Variants in XRCC1 observed in about 807,000 individuals in gnomAD.
The protein encoded by XRCC1 is DNA repair protein XRCC1.
In XRCC1, 52 loss-of-function variants were observed where a neutral mutation model predicts 83.3. The ratio of observed to expected loss-of-function variants is 0.62; its 90% CI spans 0.50 to 0.79. The LOEUF (loss-of-function observed/expected upper bound fraction) is 0.79, where lower values mean the gene tolerates loss of function less well. XRCC1 is among the 30% of genes least tolerant of loss of function. The pLI, the probability that XRCC1 is intolerant of heterozygous loss-of-function variation, is 0.00. For missense variants in XRCC1, 793 were observed against 823.5 expected, an observed-to-expected ratio of 0.96 and a Z score of 0.45; for synonymous variants, 281 against 312.6, an observed-to-expected ratio of 0.90 and a Z score of 1.07.
At chr19:43,566,862 G>C (rs1228671551) in intron 2 of XRCC1, among the ~76,000 whole-genome samples, 1 of 111,070 alleles carries the variant, frequency 9.0e-6, no homozygotes, top group Non-Finnish European at 1.7e-5. Context: ...CTGGGCAACA[G>C]AGCAAGACTC....
In XRCC1 at chr19:43,573,717, C is replaced by A. The variant is rs761694226; in HGVS notation, c.144+1193G>T. On this transcript the variant is annotated intron_variant, in intron 2 of 16. Coordinates refer to ENST00000262887, the MANE Select transcript of XRCC1 (RefSeq NM_006297.3). ...TGGAAACCCCATCTCTAAAAAAATA[C>A]AAAAAAAACTAGCCAGGCATGGTGG... 1.3e-3 allele frequency among the ~76,000 whole-genome samples: 196 copies of A among 151,188 alleles called. 2 individuals carry two copies. The highest frequency in any genetic ancestry group is 2.4e-3 in the Non-Finnish European group (161 of 67,730).
intron 8 of XRCC1, 56 bp from the exon 9 acceptor site, chr19:43,552,331 CCT>C: frequency 7.6e-7 from 1 of 1,317,930 alleles, no homozygotes; most frequent in Non-Finnish European, 1.1e-6. Context: ...ACCCCCAGCC[CCT>C]CCTCCCTCAG....
intron 1 of XRCC1, 68 bp from the exon 2 acceptor site, chr19:43,575,070 G>T: frequency 1.5e-6 from 2 of 1,333,964 alleles, no homozygotes; most frequent in Non-Finnish European, 2.1e-6. Flanking sequence ...GCTCTCAGAT[G>T]ATTCCTTTGA....
At chr19:43,564,933 C>CTTGCATCTTCGGCTTCTCGAGG (rs1295806582) in intron 2 of XRCC1, among the ~76,000 whole-genome samples, 1 of 152,180 alleles carries the variant, frequency 6.6e-6, no homozygotes, top group Non-Finnish European at 1.5e-5. Context: ...AACGTGTCTC[C>CTTGCATCTTCGGCTTCTCGAGG]TTGCATCTTC....
intron 16 of XRCC1, 42 bp downstream of exon 16, chr19:43,543,570 G>T (rs1416411571): frequency 6.2e-7 from 1 of 1,613,420 alleles, no homozygotes; most frequent in Non-Finnish European, 8.5e-7. Context: ...GAGATGCAAA[G>T]GTGTGCCCGG....
intron 14 of XRCC1, among the ~76,000 whole-genome samples, chr19:43,545,217 G>T (rs1972496426): frequency 6.6e-6 from 1 of 152,164 alleles, no homozygotes; most frequent in African/African-American, 2.4e-5. Flanking sequence ...CCTCTGCACA[G>T]CCCGTGACTG....
At chr19:43,573,815 C>T (rs1177420120) in intron 2 of XRCC1, among the ~76,000 whole-genome samples, 1 of 152,090 alleles carries the variant, frequency 6.6e-6, no homozygotes, top group Non-Finnish European at 1.5e-5. Flanking sequence ...GTAGAGGCTG[C>T]AGTGAGCCAA....
chr19:43,543,583 C>A (rs755191942), intron 16 of XRCC1, 29 bp downstream of exon 16: 1 of 1,613,774 alleles, frequency 6.2e-7, no homozygotes, highest in African/African-American at 1.3e-5. Context: ...GTGCCCGGGT[C>A]TCCCATTCTC....
At position 43,561,015 on chromosome 19, in the gene XRCC1, C is replaced by T. The variant is rs2307174; in HGVS notation, c.150G>A (p.Glu50=). ...CCACACTGTGTATCTGCTCCTCCTT[C>T]TCCAACTGTGGGCAGAGAGAGAGGC... ...EKTISVVLQL[E]KEEQIHSVDI... Residue 50 remains glutamate, a synonymous_variant, in exon 3 of 17, where the codon GAG becomes GAA. Coordinates refer to ENST00000262887, the MANE Select transcript of XRCC1 (RefSeq NM_006297.3). The T allele has an allele frequency of 3.4e-3, 5,532 of 1,613,810 alleles. 17 individuals carry two copies. The highest frequency in any genetic ancestry group is 4.1e-3 in the Non-Finnish European group (4,878 of 1,179,670).
At chr19:43,549,342 C>T (rs182902173) in intron 10 of XRCC1, among the ~76,000 whole-genome samples, 31 of 152,200 alleles carry the variant, frequency 2.0e-4, no homozygotes, top group Non-Finnish European at 2.5e-4. Context: ...TCACTTCAAC[C>T]CCTTCCTCCC....
At chr19:43,547,078 T>A in intron 10 of XRCC1, 101 bp from the exon 11 acceptor site, 1 of 1,113,828 alleles carries the variant, frequency 9.0e-7, no homozygotes, top group Non-Finnish European at 1.3e-6. Context: ...CTCACTCTAG[T>A]GGGCCTCATG....
At chr19:43,555,097 T>C (rs1024878613) in intron 3 of XRCC1, 16 of 254,940 alleles carry the variant, frequency 6.3e-5, no homozygotes, top group African/African-American at 3.3e-4. Context: ...CTAAGGAACT[T>C]TCCCGGCAGA....
In XRCC1 at chr19:43,557,734, G is replaced by C. The variant is rs943725611; in HGVS notation, c.256-2930C>G. On this transcript the variant is annotated intron_variant, in intron 3 of 16. Coordinates refer to ENST00000262887, the MANE Select transcript of XRCC1 (RefSeq NM_006297.3). ...TTGTACCTGGGAGGCGGAGGTTGCAGTGAACCGAGATTGCACCACTGCACT... is the reference window on the plus strand; with the variant it reads ...TTGTACCTGGGAGGCGGAGGTTGCACTGAACCGAGATTGCACCACTGCACT... Among the ~76,000 whole-genome samples the C allele has an allele frequency of 2.9e-4, 40 of 139,308 alleles. 1 individual carries two copies. The highest frequency in any genetic ancestry group is 1.1e-3 in the African/African-American group (40 of 37,896). 91.4% of individuals were successfully genotyped at this position (139,308 alleles called of 152,430 possible).
intron 2 of XRCC1, among the ~76,000 whole-genome samples, chr19:43,569,245 G>C (rs1388891364): frequency 6.6e-6 from 1 of 152,128 alleles, no homozygotes. Context: ...AGCTGAGGCA[G>C]GAGGAATGCT....
chr19:43,567,765 G>A (rs1267657555), intron 2 of XRCC1, among the ~76,000 whole-genome samples: 1 of 152,090 alleles, frequency 6.6e-6, no homozygotes. Context: ...CTTTCTCAGG[G>A]AGACACAGTT....
At position 43,553,086 on chromosome 19, in the gene XRCC1, CTG is replaced by C; in HGVS notation, c.605_606del (p.Thr202SerfsTer8). On this transcript the variant is annotated frameshift_variant, in exon 7 of 17. Coordinates refer to ENST00000262887, the MANE Select transcript of XRCC1 (RefSeq NM_006297.3). LOFTEE classifies it high-confidence loss of function. Reference protein sequence around the residue: ...FSRINKTSPVTASDPAGPSYA... With the variant: ...FSRINKTSPVXASDPAGPSYA... ...TAGCTAGGTCCTGCTGGGTCGCTGGCTGTGACTATGAAGGGAGAAAGTGGATC... is the reference window on the plus strand; with the variant it reads ...TAGCTAGGTCCTGCTGGGTCGCTGGCTGACTATGAAGGGAGAAAGTGGATC... 6.4e-7 allele frequency: 1 copy of C among 1,568,430 alleles called. No homozygotes were observed. The highest frequency in any genetic ancestry group is 8.6e-7 in the Non-Finnish European group (1 of 1,156,398).
intron 10 of XRCC1, 121 bp from the exon 11 acceptor site, chr19:43,547,098 C>A: frequency 1.1e-6 from 1 of 941,108 alleles, no homozygotes; most frequent in Non-Finnish European, 1.6e-6. Flanking sequence ...GGTCTTGTTC[C>A]CAGCCCATTC....
chr19:43,559,479 C>CAAAAAAA (rs58121949), intron 3 of XRCC1, among the ~76,000 whole-genome samples: 4 of 56,524 alleles, frequency 7.1e-5, no homozygotes, highest in East Asian at 6.6e-4. Context: ...GACTCCATCT[C>CAAAAAAA]AAAAAAAAAA....
Position 43,553,153 on chromosome 19 carries a change from A to G in XRCC1, c.602-62T>C, listed in dbSNP as rs1972599892. On this transcript the variant is annotated intron_variant, in intron 6 of 16. Coordinates refer to ENST00000262887, the MANE Select transcript of XRCC1 (RefSeq NM_006297.3). Reference sequence around the variant, plus strand: ...TGAGCCCCAAGACCCTTTCACTCCTATCTATGGGACACAGAATATTGTTGC... The same window carrying G: ...TGAGCCCCAAGACCCTTTCACTCCTGTCTATGGGACACAGAATATTGTTGC... The G allele has an allele frequency of 2.0e-6, 3 of 1,482,164 alleles. No homozygotes were observed. In the African/African-American group the frequency reaches 4.2e-5, roughly 21 times the overall value. The allele number at this position is 1,482,164 out of a possible 1,614,324, so 91.8% of individuals were successfully genotyped here.
Sources: gnomAD v4.1 joint callset for allele counts (sites outside exome capture counted in the v4.1 genomes callset) on GRCh38, gnomAD v4.1.1 for gene constraint, MANE v1.5 for transcripts, NCBI Gene and HGNC (gene_info 2026-07-23, HGNC 2026-07-21) for gene names.